Variants in RBM33 observed in about 807,000 individuals in gnomAD.
The protein encoded by RBM33 is RNA binding motif protein 33.
In RBM33, 28 loss-of-function variants were observed where a neutral mutation model predicts 132.6. That is an observed-to-expected ratio of 0.21 (90% CI 0.16 to 0.29). The LOEUF (loss-of-function observed/expected upper bound fraction) is 0.29. Among genes scored for constraint, RBM33 ranks in the 10% least tolerant of loss-of-function variants. RBM33 has a pLI of 1.00. For synonymous variants in RBM33, 634 were observed against 593.0 expected (o/e 1.07, Z -1.01); for missense variants, 1,291 against 1,518.5 (o/e 0.85, Z 2.49).
At chr7:155,714,272 C>T (rs1309330206) in intron 8 of RBM33, among the ~76,000 whole-genome samples, 3 of 152,256 alleles carry the variant, frequency 2.0e-5, no homozygotes, top group African/African-American at 7.2e-5. Context: ...GTGCTGATAA[C>T]GATGGGCTGT....
intron 7 of RBM33, among the ~76,000 whole-genome samples, chr7:155,710,667 G>A (rs1422474638): frequency 2.0e-5 from 3 of 152,070 alleles, no homozygotes; most frequent in Admixed American, 1.3e-4. Flanking sequence ...CTTCATCACC[G>A]AGTTCAGGTG....
intron 3 of RBM33, 24 bp downstream of exon 3, chr7:155,672,939 G>A: frequency 6.8e-7 from 1 of 1,468,290 alleles, no homozygotes. Flanking sequence ...GTCCTTCTGA[G>A]ATGAAATACT....
intron 16 of RBM33, among the ~76,000 whole-genome samples, chr7:155,768,648 G>A (rs745981872): frequency 2.0e-5 from 3 of 152,168 alleles, no homozygotes; most frequent in South Asian, 2.1e-4. Context: ...ACGGAGTCTC[G>A]CTCTGTCGCC....
intron 9 of RBM33, among the ~76,000 whole-genome samples, chr7:155,730,627 A>C (rs1480216357): frequency 6.6e-6 from 1 of 152,234 alleles, no homozygotes; most frequent in Non-Finnish European, 1.5e-5. Flanking sequence ...GTCAGGTTAG[A>C]TGATGGGTGC....
chr7:155,761,125 G>A (rs1281111498), intron 14 of RBM33, among the ~76,000 whole-genome samples: 2 of 152,222 alleles, frequency 1.3e-5, no homozygotes, highest in African/African-American at 2.4e-5. Flanking sequence ...TTAACCGGGG[G>A]GGTGTTAAAC....
At chr7:155,740,379 A>AT (rs1801292198) in intron 12 of RBM33, among the ~76,000 whole-genome samples, 1 of 152,176 alleles carries the variant, frequency 6.6e-6, no homozygotes, top group Admixed American at 6.5e-5. Context: ...CCAGTGGCTT[A>AT]TTTTTTGATG....
rs1801194698 is a variant in RBM33, at chr7:155,738,259, C to T, written c.1593C>T (p.Ala531=). 1 of 1,613,854 alleles carries T rather than the reference C, an allele frequency of 6.2e-7. No individual in the cohort carries two copies. Among genetic ancestry groups the T allele is most frequent in the African/African-American group, 1.3e-5 (1 of 74,898 alleles). The change falls in exon 11 of 18, where the codon GCC becomes GCT. Residue 531 remains alanine (A), a synonymous_variant. Transcript: ENST00000401878. ...CAAGAGAGCGGCCCGTACGACCAGC[C>T]TTGCAGCCTCCAGGTCCGGTGGGGA... is the stretch of plus-strand genomic sequence containing the variant. ...VFPRERPVRP[A]LQPPGPVGIL...
intron 1 of RBM33, among the ~76,000 whole-genome samples, chr7:155,653,077 TA>T (rs1253172195): frequency 6.6e-6 from 1 of 152,174 alleles, no homozygotes; most frequent in African/African-American, 2.4e-5. Context: ...ATATCTATAC[TA>T]TTTTTTTTTA....
chr7:155,698,193 C>G (rs566656588), intron 5 of RBM33, among the ~76,000 whole-genome samples: 1 of 152,164 alleles, frequency 6.6e-6, no homozygotes, highest in East Asian at 1.9e-4. Context: ...ATGGTGATAC[C>G]CCGTCTCTAC....
intron 5 of RBM33, among the ~76,000 whole-genome samples, chr7:155,689,592 A>C (rs953150179): frequency 6.6e-6 from 1 of 152,040 alleles, no homozygotes; most frequent in African/African-American, 2.4e-5. Context: ...TCTTTCCTGC[A>C]TTCTCTTGTG....
Position 155,718,950 on chromosome 7 carries a change from TTC to T in RBM33, c.1260+524_1260+525del, listed in dbSNP as rs531813626. On this transcript the variant is annotated intron_variant, in intron 9 of 17. Coordinates refer to ENST00000401878, the MANE Select transcript of RBM33 (RefSeq NM_053043.3). Reference sequence around the variant, plus strand: ...AAATACCTTTAAAAGAAAGCATATATTCTCTCTCTCTCTCTCTCACACACACA... The same window carrying T: ...AAATACCTTTAAAAGAAAGCATATATTCTCTCTCTCTCTCTCACACACACA... 2.2e-3 allele frequency among the ~76,000 whole-genome samples: 334 copies of T among 151,026 alleles called. 1 individual carries two copies. Among genetic ancestry groups the T allele is most frequent in the Non-Finnish European group, 3.8e-3 (258 of 67,570 alleles).
At position 155,774,775 on chromosome 7, in the gene RBM33, C is replaced by CA; in HGVS notation, c.3464+131dup. The stretch of plus-strand genomic sequence containing the variant: ...GTTCCTGTAGAAGGACACTAGGGCA[C>CA]AAAGCGCAGACGGTGATCCTGTCAT... On this transcript the variant is annotated intron_variant, in intron 17 of 17. Transcript: ENST00000401878. This position sits in a 1 kb window ranked among gnomAD's most constrained non-coding sequence, Gnocchi z 4.2. The CA allele has an allele frequency of 3.5e-6, 3 of 866,104 alleles. No individual in the cohort carries two copies. The South Asian group carries it at 4.3e-5, about 12-fold the overall frequency. The allele number at this position is 866,104 out of a possible 1,614,324, so 53.7% of individuals were successfully genotyped here.
intron 5 of RBM33, among the ~76,000 whole-genome samples, chr7:155,688,859 C>G (rs1237801960): frequency 6.6e-6 from 1 of 152,206 alleles, no homozygotes; most frequent in Non-Finnish European, 1.5e-5. Flanking sequence ...TTTTGATGTG[C>G]TGCTGGATTC....
chr7:155,650,357 C>T lies in RBM33; in HGVS notation c.43+5438C>T, dbSNP rs188791202. Among the ~76,000 whole-genome samples, 99 of 152,358 alleles carry T rather than the reference C, an allele frequency of 6.5e-4. 1 individual carries two copies. The highest frequency in any genetic ancestry group is 3.8e-4 in the Non-Finnish European group (26 of 68,028). On this transcript the variant is annotated intron_variant, in intron 1 of 17. Coordinates refer to ENST00000401878, the MANE Select transcript of RBM33 (RefSeq NM_053043.3). ...TCTGAGCTGTGAAACGCTTTCTCTG[C>T]ATCTGTTGTGATTATGTGTTCTTCC...
chr7:155,673,523 T>C (rs1213902338), intron 3 of RBM33, among the ~76,000 whole-genome samples: 1 of 139,288 alleles, frequency 7.2e-6, no homozygotes, highest in Non-Finnish European at 1.5e-5. Context: ...CGTGTATATA[T>C]ATACACACAT....
At position 155,775,019 on chromosome 7, in the gene RBM33, A is replaced by G; in HGVS notation, c.3491A>G (p.Asn1164Ser). 1.9e-6 allele frequency: 3 copies of G among 1,613,856 alleles called. No individual in the cohort carries two copies. The highest frequency in any genetic ancestry group is 2.5e-6 in the Non-Finnish European group (3 of 1,179,772). ...CATATGATAGATTTGTCCCACATAA[A>G]TGTGGCCCTGATCGTGGAGTGAGTC... The part of the protein sequence containing the change: ...HRHMIDLSHI[N>S]VALIVE The change falls in exon 18 of 18, where the codon AAT (asparagine) becomes AGT (serine). Residue 1164 changes from asparagine (N) to serine (S), a missense_variant. Physicochemically the swap from Asn to Ser is conservative, Grantham distance 46 (BLOSUM62 1). Coordinates refer to ENST00000401878, the MANE Select transcript of RBM33 (RefSeq NM_053043.3).
chr7:155,670,812 A>C (rs1798924363), intron 2 of RBM33, among the ~76,000 whole-genome samples: 1 of 152,212 alleles, frequency 6.6e-6, no homozygotes, highest in Non-Finnish European at 1.5e-5. Flanking sequence ...CTCATTAGTC[A>C]TGAAACAAGT....
chr7:155,707,296 A>G (rs1304055664), intron 7 of RBM33: 2 of 650,518 alleles, frequency 3.1e-6, no homozygotes, highest in East Asian at 3.2e-5. Flanking sequence ...TACCACAGAT[A>G]CTTCCAGAGG....
At chr7:155,738,563 A>C in intron 11 of RBM33, 160 bp downstream of exon 11, 1 of 723,378 alleles carries the variant, frequency 1.4e-6, no homozygotes, top group Non-Finnish European at 2.2e-6. Flanking sequence ...AACTTTTTTC[A>C]ACAATGTTAC....
Sources: gnomAD v4.1 joint callset for allele counts (sites outside exome capture counted in the v4.1 genomes callset) on GRCh38, gnomAD v4.1.1 for gene constraint, Gnocchi (gnomAD v3.1) non-coding constraint, MANE v1.5 for transcripts, NCBI Gene and HGNC (gene_info 2026-07-23, HGNC 2026-07-21) for gene names.